The following AUTS2 variants were observed in gnomAD, a reference collection of about 807,000 sequenced individuals.
The protein encoded by AUTS2 is autism susceptibility gene 2 protein.
A neutral mutation model predicts 112.4 loss-of-function variants in AUTS2; 17 were observed. The ratio of observed to expected loss-of-function variants is 0.15; its 90% CI spans 0.10 to 0.23. The LOEUF (loss-of-function observed/expected upper bound fraction) is 0.23. Ranked by LOEUF, AUTS2 falls within the 10% of genes least tolerant of loss-of-function variation. The probability of loss-of-function intolerance (pLI) is 1.00; values close to 1 mark genes in which losing one functional copy is unlikely to be tolerated. For synonymous variants in AUTS2, 751 were observed against 702.7 expected (o/e 1.07, Z -1.09); for missense variants, 1,510 against 1,701.6 (o/e 0.89, Z 1.98).
At chr7:69,943,436 C>T (rs1426248946) in intron 2 of AUTS2, among the ~76,000 whole-genome samples, 1 of 152,124 alleles carries the variant, frequency 6.6e-6, no homozygotes, top group African/African-American at 2.4e-5. Flanking sequence ...GATGAATTTA[C>T]TGTTATTCTA....
intron 5 of AUTS2, among the ~76,000 whole-genome samples, chr7:70,565,000 A>G (rs1801645216): frequency 6.6e-6 from 1 of 152,112 alleles, no homozygotes; most frequent in African/African-American, 2.4e-5. Context: ...CAGGAGGCTG[A>G]GGCAGAAGAA....
intron 6 of AUTS2, among the ~76,000 whole-genome samples, chr7:70,713,691 G>A (rs900240827): frequency 6.6e-6 from 1 of 152,038 alleles, no homozygotes; most frequent in Admixed American, 6.5e-5. Context: ...TCAGGAGATT[G>A]AGACCATCCT....
chr7:70,539,489 T>A (rs1278539926), intron 5 of AUTS2, among the ~76,000 whole-genome samples: 1 of 152,230 alleles, frequency 6.6e-6, no homozygotes, highest in African/African-American at 2.4e-5. Flanking sequence ...GTGCACTGTC[T>A]ATGGAATACC....
chr7:70,255,871 C>G lies in AUTS2; in HGVS notation c.660+121300C>G, dbSNP rs1384418423. ...TTATATGCACTAAAACAGAGTAAGG[C>G]CTAGATTTATTAATCATTGGGTTAT... On this transcript the variant is annotated intron_variant, in intron 4 of 18. Transcript: ENST00000342771. Among the ~76,000 whole-genome samples the G allele has an allele frequency of 1.3e-5, 2 of 152,130 alleles. 1 individual carries two copies. The highest frequency in any genetic ancestry group is 4.1e-4 in the South Asian group (2 of 4,824).
chr7:70,446,900 C>T (rs528859867), intron 5 of AUTS2, among the ~76,000 whole-genome samples: 129 of 152,282 alleles, frequency 8.5e-4, no homozygotes, highest in Non-Finnish European at 1.3e-3. Context: ...GTTTATGTCT[C>T]TATACGTCCC....
chr7:69,678,749 C>T (rs963393461), intron 1 of AUTS2, among the ~76,000 whole-genome samples: 4 of 152,224 alleles, frequency 2.6e-5, no homozygotes, highest in African/African-American at 7.2e-5. Flanking sequence ...GAGAAAGACA[C>T]GGCGTGAGCC....
intron 1 of AUTS2, among the ~76,000 whole-genome samples, chr7:69,771,678 G>A (rs1402549176): frequency 6.6e-6 from 1 of 152,122 alleles, no homozygotes; most frequent in Non-Finnish European, 1.5e-5. Flanking sequence ...CAGATTACTG[G>A]GGCAGAGGAA....
At chr7:70,124,169 C>T (rs1448261493) in intron 3 of AUTS2, among the ~76,000 whole-genome samples, 1 of 152,054 alleles carries the variant, frequency 6.6e-6, no homozygotes, top group Non-Finnish European at 1.5e-5. Context: ...AAAAGTATCT[C>T]TTCATGTTCT....
intron 2 of AUTS2, among the ~76,000 whole-genome samples, chr7:69,924,493 T>A (rs756392938): frequency 6.6e-6 from 1 of 151,984 alleles, no homozygotes; most frequent in Non-Finnish European, 1.5e-5. Context: ...TAGAAGAGTT[T>A]GTGTAGAATT....
chr7:70,444,958 C>A (rs1189384608), intron 5 of AUTS2, among the ~76,000 whole-genome samples: 1 of 152,102 alleles, frequency 6.6e-6, no homozygotes, highest in African/African-American at 2.4e-5. Flanking sequence ...CTACTAATGT[C>A]TTCGGTCAGT....
intron 1 of AUTS2, among the ~76,000 whole-genome samples, chr7:69,678,443 T>A (rs1240812979): frequency 6.6e-6 from 1 of 152,194 alleles, no homozygotes; most frequent in Admixed American, 6.5e-5. Flanking sequence ...CAAGTTTCTC[T>A]TTTTAAAATA....
intron 4 of AUTS2, among the ~76,000 whole-genome samples, chr7:70,364,367 A>G (rs1234782427): frequency 6.6e-6 from 1 of 151,928 alleles, no homozygotes; most frequent in African/African-American, 2.4e-5. Context: ...ATAAGAGAAC[A>G]TCCTGGCCAA....
intron 1 of AUTS2, among the ~76,000 whole-genome samples, chr7:69,692,006 T>C (rs1324597760): frequency 6.6e-6 from 1 of 152,200 alleles, no homozygotes; most frequent in Non-Finnish European, 1.5e-5. Flanking sequence ...TTTTGTCAAC[T>C]GTGCCATCCA....
chr7:69,661,229 T>C (rs1360728463), intron 1 of AUTS2, among the ~76,000 whole-genome samples: 1 of 152,170 alleles, frequency 6.6e-6, no homozygotes, highest in African/African-American at 2.4e-5. Context: ...GAGAAGACAT[T>C]TTCTTGAAGG....
At chr7:69,706,673 G>A (rs1798073017) in intron 1 of AUTS2, among the ~76,000 whole-genome samples, 1 of 152,152 alleles carries the variant, frequency 6.6e-6, no homozygotes, top group African/African-American at 2.4e-5. Flanking sequence ...CTTCTCTCCA[G>A]TTCTCAGTTG....
chr7:70,405,351 A>T (rs1794486076), intron 4 of AUTS2, among the ~76,000 whole-genome samples: 1 of 152,214 alleles, frequency 6.6e-6, no homozygotes, highest in African/African-American at 2.4e-5. Context: ...ATAGACTCAG[A>T]GAAAGTCCTG....
intron 1 of AUTS2, among the ~76,000 whole-genome samples, chr7:69,775,815 A>G (rs1342338195): frequency 1.3e-5 from 2 of 152,134 alleles, no homozygotes; most frequent in Non-Finnish European, 2.9e-5. Context: ...CAGATTCAAA[A>G]TCAGTTTTGA....
At chr7:70,458,421 A>G (rs975679777) in intron 5 of AUTS2, among the ~76,000 whole-genome samples, 1 of 152,166 alleles carries the variant, frequency 6.6e-6, no homozygotes, top group Non-Finnish European at 1.5e-5. Context: ...TCAAGTATAA[A>G]GAATACCCTA....
chr7:70,401,196 A>AATCCCCTG (rs1314512310), intron 4 of AUTS2, among the ~76,000 whole-genome samples: 1 of 151,412 alleles, frequency 6.6e-6, no homozygotes, highest in African/African-American at 2.4e-5. Context: ...GAGGTAACAG[A>AATCCCCTG]ATCCCCTGGG....
Sources: gnomAD v4.1 joint callset for allele counts (sites outside exome capture counted in the v4.1 genomes callset) on GRCh38, gnomAD v4.1.1 for gene constraint, MANE v1.5 for transcripts, NCBI Gene and HGNC (gene_info 2026-07-23, HGNC 2026-07-21) for gene names.